Variants in EDA observed in about 807,000 individuals in gnomAD.
EDA encodes ectodysplasin A, also known as ectodysplasin-A.
EDA carries 2 observed loss-of-function variants against 23.6 expected under a neutral mutation model. The ratio of observed to expected loss-of-function variants is 0.08; its 90% CI spans 0.03 to 0.27. The LOEUF is 0.27. EDA is among the 10% of genes least tolerant of loss of function. The probability of loss-of-function intolerance (pLI) is 1.00; values close to 1 mark genes in which losing one functional copy is unlikely to be tolerated. For missense variants in EDA, 229 were observed against 324.2 expected (o/e 0.71, Z 2.26); for synonymous variants, 131 against 132.0 (o/e 0.99, Z 0.05).
rs190153417 is a variant in EDA, at chrX:69,966,302, G to A, written c.502+9170G>A. Among the ~76,000 whole-genome samples, 821 of 111,311 alleles carry A rather than the reference G, an allele frequency of 7.4e-3. 6 individuals are homozygous for A. Among genetic ancestry groups the A allele is most frequent in the African/African-American group, 0.025 (775 of 30,642 alleles). On this transcript the variant is annotated intron_variant, in intron 2 of 7. Transcript: ENST00000374552. ...AGCCTACAAAAATAAGAATTCAGCC[G>A]GGTGCAGTGGCTCACGCCTGTAATC... is the stretch of plus-strand genomic sequence containing the variant.
At chrX:69,850,632 A>T (rs1235262144) in intron 1 of EDA, among the ~76,000 whole-genome samples, 1 of 111,874 alleles carries the variant, frequency 8.9e-6, no homozygotes, top group Admixed American at 9.5e-5. Context: ...TATATTCCAT[A>T]GTCATTGGGA....
At chrX:69,957,344 A>C in intron 2 of EDA, 1 of 379,419 alleles carries the variant, frequency 2.6e-6, no homozygotes, top group Non-Finnish European at 4.7e-6. Context: ...ATACAAAAAA[A>C]ATTAGCCGGG....
chrX:69,996,030 A>G (rs780760735), intron 2 of EDA, among the ~76,000 whole-genome samples: 1 of 112,397 alleles, frequency 8.9e-6, no homozygotes, highest in African/African-American at 3.2e-5. Flanking sequence ...GAAGTGCCCA[A>G]GGAAAGTTAC....
chrX:70,025,643 C>A (rs1341150838), intron 3 of EDA, among the ~76,000 whole-genome samples: 1 of 112,029 alleles, frequency 8.9e-6, no homozygotes, highest in East Asian at 2.8e-4. Flanking sequence ...TGTGTTCTTT[C>A]CACTACACTA....
intron 1 of EDA, among the ~76,000 whole-genome samples, chrX:69,653,664 A>G (rs1933180457): frequency 9.0e-6 from 1 of 111,220 alleles, no homozygotes; most frequent in Non-Finnish European, 1.9e-5. Context: ...CAACTATCTG[A>G]TCTTTGACAA....
chrX:69,803,555 C>T (rs762701920), intron 1 of EDA, among the ~76,000 whole-genome samples: 1 of 111,113 alleles, frequency 9.0e-6, no homozygotes, highest in South Asian at 3.8e-4. Context: ...TTGGCAAATT[C>T]CAACAATGCA....
chrX:69,751,987 G>A (rs1342700536), intron 1 of EDA, among the ~76,000 whole-genome samples: 1 of 110,814 alleles, frequency 9.0e-6, no homozygotes, highest in Non-Finnish European at 1.9e-5. Context: ...CTGCGACGAT[G>A]GGGTTTTCTA....
At chrX:69,709,354 T>A (rs781459644) in intron 1 of EDA, among the ~76,000 whole-genome samples, 1 of 111,961 alleles carries the variant, frequency 8.9e-6, no homozygotes, top group Admixed American at 9.5e-5. Flanking sequence ...TGTGGCCTTT[T>A]AGCATTTGGC....
chrX:69,677,175 T>C (rs1306923617), intron 1 of EDA, among the ~76,000 whole-genome samples: 5 of 104,023 alleles, frequency 4.8e-5, no homozygotes, highest in African/African-American at 1.8e-4. Flanking sequence ...TTTTTATGGC[T>C]GCATAGTATT....
chrX:69,754,782 T>G (rs2014039622), intron 1 of EDA, among the ~76,000 whole-genome samples: 1 of 111,787 alleles, frequency 8.9e-6, no homozygotes. Flanking sequence ...TCTCTAAACT[T>G]CTCACTTCAT....
intron 2 of EDA, among the ~76,000 whole-genome samples, chrX:69,982,677 C>G (rs1033132194): frequency 2.8e-5 from 3 of 107,267 alleles, no homozygotes; most frequent in African/African-American, 6.8e-5. Flanking sequence ...TTACTTCCAA[C>G]TATGTGGTCA....
At chrX:69,894,061 C>T (rs1002746242) in intron 1 of EDA, among the ~76,000 whole-genome samples, 1 of 111,550 alleles carries the variant, frequency 9.0e-6, no homozygotes, top group Non-Finnish European at 1.9e-5. Context: ...TTCACCACCG[C>T]CTCTATTTTG....
At chrX:69,769,515 G>A (rs1000883713) in intron 1 of EDA, among the ~76,000 whole-genome samples, 1 of 111,516 alleles carries the variant, frequency 9.0e-6, no homozygotes, top group African/African-American at 3.3e-5. Context: ...TCGATTTAAT[G>A]TGACAATTGA....
chrX:69,682,798 G>A (rs1934418125), intron 1 of EDA, among the ~76,000 whole-genome samples: 1 of 111,370 alleles, frequency 9.0e-6, no homozygotes, highest in Non-Finnish European at 1.9e-5. Flanking sequence ...CACTCTCCCT[G>A]GGAGCTGTAG....
Position 69,619,745 on chromosome X carries a change from G to A in EDA, c.396+3041G>A, listed in dbSNP as rs776834981. 7.1e-5 allele frequency among the ~76,000 whole-genome samples: 8 copies of A among 111,981 alleles called. No individual in the cohort carries two copies. In the South Asian group the frequency reaches 1.9e-3, roughly 27 times the overall value. On this transcript the variant is annotated intron_variant, in intron 1 of 7. Coordinates refer to ENST00000374552, the MANE Select transcript of EDA (RefSeq NM_001399.5). The stretch of plus-strand genomic sequence containing the variant: ...TAGGACAATATACAGTAATATGATC[G>A]TCAGAGTAAAAAACTAAAAATCACT...
At chrX:69,827,471 C>G (rs1241105489) in intron 1 of EDA, among the ~76,000 whole-genome samples, 1 of 111,999 alleles carries the variant, frequency 8.9e-6, no homozygotes, top group Non-Finnish European at 1.9e-5. Flanking sequence ...CACTGATACC[C>G]TTTCTTCCAG....
At chrX:69,697,726 C>G (rs768644817) in intron 1 of EDA, among the ~76,000 whole-genome samples, 5 of 111,557 alleles carry the variant, frequency 4.5e-5, no homozygotes, top group Non-Finnish European at 7.5e-5. Flanking sequence ...TGTTTTAAAT[C>G]CTCCTAAATT....
chrX:69,913,419 A>G (rs1442714669), intron 1 of EDA, among the ~76,000 whole-genome samples: 1 of 112,428 alleles, frequency 8.9e-6, no homozygotes. Context: ...TTAAGCCGCA[A>G]GAACCAACCT....
At chrX:69,769,132 G>A (rs1296022152) in intron 1 of EDA, among the ~76,000 whole-genome samples, 1 of 111,301 alleles carries the variant, frequency 9.0e-6, no homozygotes, top group African/African-American at 3.3e-5. Flanking sequence ...TGTTCCATGG[G>A]CAGTTGTGTA....
Sources: gnomAD v4.1 joint callset for allele counts (sites outside exome capture counted in the v4.1 genomes callset) on GRCh38, gnomAD v4.1.1 for gene constraint, MANE v1.5 for transcripts, NCBI Gene and HGNC (gene_info 2026-07-23, HGNC 2026-07-21) for gene names.